The following CYP27B1 variants were observed in gnomAD, a reference collection of about 807,000 sequenced individuals.
CYP27B1 encodes the protein 25-hydroxyvitamin D-1 alpha hydroxylase, mitochondrial.
In CYP27B1, 46 loss-of-function variants were observed where a neutral mutation model predicts 54.8. The ratio of observed to expected loss-of-function variants is 0.84; its 90% CI spans 0.66 to 1.07. The LOEUF is 1.07. CYP27B1 is among the 50% of genes least tolerant of loss of function. CYP27B1 has a pLI of 0.00. For missense variants in CYP27B1, 674 were observed against 692.2 expected, an observed-to-expected ratio of 0.97 and a Z score of 0.30; for synonymous variants, 292 against 297.3, an observed-to-expected ratio of 0.98 and a Z score of 0.18.
chr12:57,765,458 G>A lies in CYP27B1; in HGVS notation c.428C>T (p.Pro143Leu), dbSNP rs1222556174. The part of the protein sequence containing the change: ...EWQRLRSLLA[P>L]LLLRPQAAAR... ...GGCCGCTTGAGGCCGGAGGAGGAGC[G>A]GGGCCAGGAGACTGCGGAGCCTTTG... Residue 143 changes from proline to leucine, a missense_variant, in exon 3 of 9, where the codon CCG becomes CTG. Coordinates refer to ENST00000228606, the MANE Select transcript of CYP27B1 (RefSeq NM_000785.4). This position sits in a 1 kb window ranked among gnomAD's most constrained non-coding sequence, Gnocchi z 5.8. 6.2e-7 allele frequency: 1 copy of A among 1,612,562 alleles called. No homozygotes were observed. Among genetic ancestry groups the A allele is most frequent in the African/African-American group, 1.3e-5 (1 of 74,932 alleles).
rs1382184215 is a variant in CYP27B1 at position 57,763,809 on chromosome 12, C to T, written c.1216-1G>A. ...CATAGTGACACAGAGTGACCAGCGTCTGGTGCAAAGGAAAACAAACTTGTC... is the reference window on the plus strand; with the variant it reads ...CATAGTGACACAGAGTGACCAGCGTTTGGTGCAAAGGAAAACAAACTTGTC... On this transcript the variant is annotated splice_acceptor_variant, in intron 7 of 8. Coordinates refer to ENST00000228606, the MANE Select transcript of CYP27B1 (RefSeq NM_000785.4). LOFTEE classifies it high-confidence loss of function. 3 of 1,613,886 alleles carry T rather than the reference C, an allele frequency of 1.9e-6. No homozygotes were observed. Among genetic ancestry groups the T allele is most frequent in the Non-Finnish European group, 2.5e-6 (3 of 1,179,974 alleles).
chr12:57,764,998 A>C lies in CYP27B1; in HGVS notation c.790+13T>G, dbSNP rs1250157251. On this transcript the variant is annotated intron_variant, in intron 4 of 8. Transcript: ENST00000228606. Reference sequence around the variant, plus strand: ...TTTACATTCCCCCATTTCCACCTCGACCTGTGCCTTACCAAATGCAAACAT... The same window carrying C: ...TTTACATTCCCCCATTTCCACCTCGCCCTGTGCCTTACCAAATGCAAACAT... 8 of 1,613,720 alleles carry C rather than the reference A, an allele frequency of 5.0e-6. No homozygotes were observed. Among genetic ancestry groups the C allele is most frequent in the Admixed American group, 1.7e-5 (1 of 60,018 alleles).
In CYP27B1 at chr12:57,765,254, T is replaced by C; in HGVS notation, c.589+43A>G. ...CCGTCAGGGTTCCGGGAGGCTCTGGTAGGGCGCCCCCGACGCCTGCCCAGC... is the reference window on the plus strand; with the variant it reads ...CCGTCAGGGTTCCGGGAGGCTCTGGCAGGGCGCCCCCGACGCCTGCCCAGC... On this transcript the variant is annotated intron_variant, in intron 3 of 8. Coordinates refer to ENST00000228606, the MANE Select transcript of CYP27B1 (RefSeq NM_000785.4). This position sits in a 1 kb window ranked among gnomAD's most constrained non-coding sequence, Gnocchi z 5.8. 1 of 1,611,674 alleles carries C rather than the reference T, an allele frequency of 6.2e-7. No individual in the cohort carries two copies. The highest frequency in any genetic ancestry group is 8.5e-7 in the Non-Finnish European group (1 of 1,179,188).
intron 7 of CYP27B1, 69 bp from the exon 8 acceptor site, chr12:57,763,877 C>G: frequency 6.7e-7 from 1 of 1,499,252 alleles, no homozygotes; most frequent in Non-Finnish European, 9.3e-7. Flanking sequence ...AGAGGATATT[C>G]AGACAGGGAC....
rs562987203 is a variant in CYP27B1, at chr12:57,762,548, A to G, written c.*594T>C. Reference sequence around the variant, plus strand: ...GCAGATTCACCTTCCTAGGGGCAAGACAAAGAAGGAAGGGGGTAGACAGAG... The same window carrying G: ...GCAGATTCACCTTCCTAGGGGCAAGGCAAAGAAGGAAGGGGGTAGACAGAG... On this transcript the variant is annotated 3_prime_UTR_variant, in exon 9 of 9. Coordinates refer to ENST00000228606, the MANE Select transcript of CYP27B1 (RefSeq NM_000785.4). 5 of 166,032 alleles carry G rather than the reference A, an allele frequency of 3.0e-5. No homozygotes were observed. The South Asian group carries it at 6.0e-4, about 20-fold the overall frequency. The allele number at this position is 166,032 out of a possible 1,614,324, so 10.3% of individuals were successfully genotyped here.
In CYP27B1 at chr12:57,762,925, A is replaced by G; in HGVS notation, c.*217T>C. The stretch of plus-strand genomic sequence containing the variant: ...CATACATGATCAGAAGGGCCAAGCA[A>G]GCAGAGAGACCATGGTTTTCTCACC... On this transcript the variant is annotated 3_prime_UTR_variant, in exon 9 of 9. Coordinates refer to ENST00000228606, the MANE Select transcript of CYP27B1 (RefSeq NM_000785.4). The G allele has an allele frequency of 1.8e-6, 1 of 558,966 alleles. No homozygotes were observed. Among genetic ancestry groups the G allele is most frequent in the Non-Finnish European group, 3.3e-6 (1 of 302,550 alleles). The allele number at this position is 558,966 out of a possible 1,614,324, so 34.6% of individuals were successfully genotyped here.
intron 1 of CYP27B1, 141 bp downstream of exon 1, chr12:57,766,706 C>T: frequency 1.1e-6 from 1 of 930,498 alleles, no homozygotes; most frequent in Non-Finnish European, 1.7e-6. Flanking sequence ...CCGCCCCCAG[C>T]CTCAACTCGC....
rs779510099 is a variant in CYP27B1, at chr12:57,763,097, C to G, written c.*45G>C. ...CTTGTGCCTACAAAAAATCTTATCC[C>G]TATGATGAATGAAAGGGTGATGATG... On this transcript the variant is annotated 3_prime_UTR_variant, in exon 9 of 9. Coordinates refer to ENST00000228606, the MANE Select transcript of CYP27B1 (RefSeq NM_000785.4). 1 of 1,400,238 alleles carries G rather than the reference C, an allele frequency of 7.1e-7. No homozygotes were observed. 86.7% of individuals were successfully genotyped at this position (1,400,238 alleles called of 1,614,324 possible).
chr12:57,763,357 T>A, intron 8 of CYP27B1, 102 bp from the exon 9 acceptor site: 1 of 951,396 alleles, frequency 1.1e-6, no homozygotes, highest in Middle Eastern at 2.1e-4. Context: ...AGTGTTAGAA[T>A]GGTCAATGAT....
chr12:57,764,953 C>A (rs1955346686), intron 4 of CYP27B1, 27 bp from the exon 5 acceptor site: 1 of 1,613,972 alleles, frequency 6.2e-7, no homozygotes, highest in South Asian at 1.1e-5. Context: ...CACGTGAATA[C>A]CTCGCTACCC....
Position 57,764,442 on chromosome 12 carries a change from A to T in CYP27B1, c.1072T>A (p.Tyr358Asn). 1 of 1,614,152 alleles carries T rather than the reference A, an allele frequency of 6.2e-7. No homozygotes were observed. The highest frequency in any genetic ancestry group is 1.6e-4 in the Middle Eastern group (1 of 6,062). ...TAALSPGSSA[Y>N]PSATVLSQLP... The stretch of plus-strand genomic sequence containing the variant: ...TGGGACAGAACAGTGGCTGAGGGGT[A>T]GGCACTGGAGCCAGGGCTCAGGGCA... Residue 358 changes from tyrosine (Y) to asparagine (N), a missense_variant, in exon 6 of 9, where the codon TAC (tyrosine) becomes AAC (asparagine). Transcript: ENST00000228606.
Position 57,763,565 on chromosome 12 carries a change from T to C in CYP27B1, c.1413+46A>G, listed in dbSNP as rs183213602. On this transcript the variant is annotated intron_variant, in intron 8 of 8. Coordinates refer to ENST00000228606, the MANE Select transcript of CYP27B1 (RefSeq NM_000785.4). Reference sequence around the variant, plus strand: ...GAAAGAGCTCACAACTTTAGAGGGTTAGGGTCTCTCCAGTCTGGGGAAGGT... The same window carrying C: ...GAAAGAGCTCACAACTTTAGAGGGTCAGGGTCTCTCCAGTCTGGGGAAGGT... 1,691 of 1,527,846 alleles carry C rather than the reference T, an allele frequency of 1.1e-3. 5 individuals are homozygous for C. Among genetic ancestry groups the C allele is most frequent in the Non-Finnish European group, 1.2e-3 (1,348 of 1,102,268 alleles). 94.6% of individuals were successfully genotyped at this position (1,527,846 alleles called of 1,614,324 possible).
chr12:57,763,913 G>C (rs1358694338), intron 7 of CYP27B1, 105 bp from the exon 8 acceptor site: 8 of 1,256,430 alleles, frequency 6.4e-6, no homozygotes, highest in Non-Finnish European at 9.2e-6. Flanking sequence ...TGGGTGATGG[G>C]GAAGTTTTCT....
At position 57,765,461 on chromosome 12, in the gene CYP27B1, G is replaced by A; in HGVS notation, c.425C>T (p.Ala142Val). The change falls in exon 3 of 9, where the codon GCC becomes GTC. Residue 142 changes from alanine (A) to valine (V), a missense_variant. Coordinates refer to ENST00000228606, the MANE Select transcript of CYP27B1 (RefSeq NM_000785.4). The surrounding 1 kb of genome is among the most constrained non-coding windows in gnomAD (Gnocchi z 5.8). ...CGCTTGAGGCCGGAGGAGGAGCGGG[G>A]CCAGGAGACTGCGGAGCCTTTGCCA... is the stretch of plus-strand genomic sequence containing the variant. Reference protein sequence around the residue: ...EEWQRLRSLLAPLLLRPQAAA... With the variant: ...EEWQRLRSLLVPLLLRPQAAA... The A allele has an allele frequency of 6.2e-7, 1 of 1,612,664 alleles. No individual in the cohort carries two copies. The highest frequency in any genetic ancestry group is 2.2e-5 in the East Asian group (1 of 44,848).
At position 57,765,480 on chromosome 12, in the gene CYP27B1, T is replaced by A. The variant is rs1224572685; in HGVS notation, c.406A>T (p.Arg136Trp). The change falls in exon 3 of 9, where the codon AGG (arginine) becomes TGG (tryptophan). Residue 136 changes from arginine (R) to tryptophan (W), a missense_variant. Arg to Trp is a moderately radical substitution (Grantham distance 101). Transcript: ENST00000228606. This position sits in a 1 kb window ranked among gnomAD's most constrained non-coding sequence, Gnocchi z 5.8. ...AGCGGGGCCAGGAGACTGCGGAGCC[T>A]TTGCCATTCTTCGCCTTCCCTGCAG... ...LLTAEGEEWQ[R>W]LRSLLAPLLL... The A allele has an allele frequency of 5.0e-6, 8 of 1,611,602 alleles. No individual in the cohort carries two copies.
rs770079607 is a variant in CYP27B1, at chr12:57,765,595, A to G, written c.387-96T>C. ...AGCGCGTTCGGCTGCGGTGGCCAGG[A>G]GAGGGATTGCGTCTGCCCCCTTGGG... is the stretch of plus-strand genomic sequence containing the variant. On this transcript the variant is annotated intron_variant, in intron 2 of 8. Coordinates refer to ENST00000228606, the MANE Select transcript of CYP27B1 (RefSeq NM_000785.4). This position sits in a 1 kb window ranked among gnomAD's most constrained non-coding sequence, Gnocchi z 5.8. 16 of 1,303,478 alleles carry G rather than the reference A, an allele frequency of 1.2e-5. No homozygotes were observed. The highest frequency in any genetic ancestry group is 2.9e-5 in the African/African-American group (2 of 68,538). The allele number at this position is 1,303,478 out of a possible 1,614,324, so 80.7% of individuals were successfully genotyped here.
Position 57,766,378 on chromosome 12 carries a change from A to G in CYP27B1, c.196-181T>C, listed in dbSNP as rs1227908360. 5.7e-6 allele frequency: 5 copies of G among 877,944 alleles called. No homozygotes were observed. The East Asian group carries it at 1.2e-4, about 21-fold the overall frequency. The allele number at this position is 877,944 out of a possible 1,614,324, so 54.4% of individuals were successfully genotyped here. ...CTCCTCTCTCATTTCCCATCCCTAG[A>G]AAGTTTGAGTGTGATGGGCAAAACC... On this transcript the variant is annotated intron_variant, in intron 1 of 8. Coordinates refer to ENST00000228606, the MANE Select transcript of CYP27B1 (RefSeq NM_000785.4).
At position 57,765,580 on chromosome 12, in the gene CYP27B1, G is replaced by A; in HGVS notation, c.387-81C>T. ...TGGCTGCAGTGAAGGAGCGCGTTCG[G>A]CTGCGGTGGCCAGGAGAGGGATTGC... On this transcript the variant is annotated intron_variant, in intron 2 of 8. Transcript: ENST00000228606. The surrounding 1 kb of genome is among the most constrained non-coding windows in gnomAD (Gnocchi z 5.8). The A allele has an allele frequency of 7.0e-7, 1 of 1,419,994 alleles. No individual in the cohort carries two copies. The highest frequency in any genetic ancestry group is 9.8e-7 in the Non-Finnish European group (1 of 1,024,662). 88.0% of individuals were successfully genotyped at this position (1,419,994 alleles called of 1,614,324 possible). A position where few individuals can be genotyped will look rare whatever the true frequency, so the allele number is the denominator to read the frequency against.
At position 57,763,668 on chromosome 12, in the gene CYP27B1, C is replaced by T. The variant is rs1955336264; in HGVS notation, c.1356G>A (p.Lys452=). The change falls in exon 8 of 9, where the codon AAG becomes AAA. Residue 452 remains lysine, a synonymous_variant. Transcript: ENST00000228606. ...PFASLPFGFG[K]RSCMGRRLAE... Reference sequence around the variant, plus strand: ...CCAGGCGTCTCCCCATACAGCTGCGCTTGCCAAAGCCAAAGGGAAGAGATG... The same window carrying T: ...CCAGGCGTCTCCCCATACAGCTGCGTTTGCCAAAGCCAAAGGGAAGAGATG... The T allele has an allele frequency of 1.2e-6, 2 of 1,613,854 alleles. No homozygotes were observed. Among genetic ancestry groups the T allele is most frequent in the African/African-American group, 2.7e-5 (2 of 74,848 alleles).
Sources: allele counts gnomAD v4.1 joint callset, GRCh38; gene constraint gnomAD v4.1.1; non-coding constraint Gnocchi (gnomAD v3.1); transcripts MANE v1.5; gene names NCBI Gene and HGNC (gene_info 2026-07-23, HGNC 2026-07-21).